Variants in ARHGEF10L observed in about 807,000 individuals in gnomAD.
The protein encoded by ARHGEF10L is rho guanine nucleotide exchange factor 10-like protein.
ARHGEF10L carries 69 observed loss-of-function variants against 141.2 expected under a neutral mutation model. The observed-to-expected ratio is 0.49, with a 90% CI of 0.40 to 0.60. The LOEUF is 0.60. Among genes scored for constraint, ARHGEF10L ranks in the 20% least tolerant of loss-of-function variants. ARHGEF10L has a pLI of 0.00. For synonymous variants in ARHGEF10L, 711 were observed against 718.5 expected, an observed-to-expected ratio of 0.99 and a Z score of 0.17; for missense variants, 1,482 against 1,734.3, an observed-to-expected ratio of 0.85 and a Z score of 2.58.
In ARHGEF10L at chr1:17,623,924, A is replaced by G. The variant is rs529894903; in HGVS notation, c.1201-463A>G. On this transcript the variant is annotated intron_variant, in intron 12 of 28. Coordinates refer to ENST00000361221, the MANE Select transcript of ARHGEF10L (RefSeq NM_018125.4). This position sits in a 1 kb window ranked among gnomAD's most constrained non-coding sequence, Gnocchi z 4.7. Reference sequence around the variant, plus strand: ...TCTGGAGAGAGAGTTGATTGACTCCAGGCCGACCATCCCTCCCTTGGTAAC... The same window carrying G: ...TCTGGAGAGAGAGTTGATTGACTCCGGGCCGACCATCCCTCCCTTGGTAAC... 2.6e-5 allele frequency among the ~76,000 whole-genome samples: 4 copies of G among 152,330 alleles called. No individual in the cohort carries two copies. The highest frequency in any genetic ancestry group is 7.2e-5 in the African/African-American group (3 of 41,578).
In ARHGEF10L at chr1:17,630,662, G is replaced by A. The variant is rs548262308; in HGVS notation, c.1585-1659G>A. Among the ~76,000 whole-genome samples the A allele has an allele frequency of 5.9e-5, 9 of 152,330 alleles. No individual in the cohort carries two copies. In the South Asian group the frequency reaches 8.3e-4, roughly 14 times the overall value. On this transcript the variant is annotated intron_variant, in intron 15 of 28. Coordinates refer to ENST00000361221, the MANE Select transcript of ARHGEF10L (RefSeq NM_018125.4). ...CAATCAACAGTGGGTGGGTCTCAGC[G>A]AGTCACTTTACCCCTGGAATCTCAG...
chr1:17,679,620 A>G (rs982486326), intron 26 of ARHGEF10L, among the ~76,000 whole-genome samples: 3 of 152,186 alleles, frequency 2.0e-5, no homozygotes, highest in African/African-American at 7.2e-5. Flanking sequence ...TAAAGTGTTG[A>G]TAAGAATGAG....
At chr1:17,617,737 C>T (rs1434832464) in intron 9 of ARHGEF10L, among the ~76,000 whole-genome samples, 3 of 152,126 alleles carry the variant, frequency 2.0e-5, no homozygotes, top group South Asian at 2.1e-4. Context: ...TTTCCTCATC[C>T]GTACAGTGGG....
chr1:17,645,305 C>T (rs910545871), intron 21 of ARHGEF10L, among the ~76,000 whole-genome samples: 21 of 152,024 alleles, frequency 1.4e-4, no homozygotes, highest in African/African-American at 4.8e-4. Flanking sequence ...TGGGGAGCAA[C>T]GACTCCATTT....
At chr1:17,631,360 A>G (rs2060680848) in intron 15 of ARHGEF10L, among the ~76,000 whole-genome samples, 1 of 152,156 alleles carries the variant, frequency 6.6e-6, no homozygotes, top group African/African-American at 2.4e-5. Flanking sequence ...GGGTCTTGAC[A>G]TCCAGCCTGA....
chr1:17,677,042 G>C (rs138215834), intron 26 of ARHGEF10L, among the ~76,000 whole-genome samples: 84 of 152,066 alleles, frequency 5.5e-4, no homozygotes, highest in Non-Finnish European at 1.0e-3. Context: ...CTCAGGGCCC[G>C]GCAGGCATGG....
At position 17,622,981 on chromosome 1, in the gene ARHGEF10L, C is replaced by A. The variant is rs200324335; in HGVS notation, c.1021-15C>A. On this transcript the variant is annotated splice_polypyrimidine_tract_variant and intron_variant, in intron 11 of 28. Coordinates refer to ENST00000361221, the MANE Select transcript of ARHGEF10L (RefSeq NM_018125.4). ...TGCGGCCTGGCCTGCGGCCTCACCC[C>A]GCCCTCCCCGGCAGGACTACCGCAA... 2 of 1,606,840 alleles carry A rather than the reference C, an allele frequency of 1.2e-6. No individual in the cohort carries two copies. The highest frequency in any genetic ancestry group is 1.7e-6 in the Non-Finnish European group (2 of 1,177,798).
chr1:17,566,994 C>T (rs951430046), intron 1 of ARHGEF10L, among the ~76,000 whole-genome samples: 3 of 152,144 alleles, frequency 2.0e-5, no homozygotes, highest in Admixed American at 1.3e-4. Flanking sequence ...TGACAAAGCA[C>T]GTGTGGAAGA....
chr1:17,546,930 A>C (rs1196123945), intron 1 of ARHGEF10L, among the ~76,000 whole-genome samples: 2 of 152,178 alleles, frequency 1.3e-5, no homozygotes, highest in African/African-American at 4.8e-5. Flanking sequence ...GGTGGGGTGC[A>C]TCATTATCTC....
At chr1:17,547,045 T>A (rs1374443375) in intron 1 of ARHGEF10L, among the ~76,000 whole-genome samples, 1 of 152,236 alleles carries the variant, frequency 6.6e-6, no homozygotes, top group East Asian at 1.9e-4. Flanking sequence ...TGTCTTTCCT[T>A]GAGCAGCGCC....
At chr1:17,662,126 G>A (rs1404262630) in intron 25 of ARHGEF10L, among the ~76,000 whole-genome samples, 1 of 152,170 alleles carries the variant, frequency 6.6e-6, no homozygotes, top group African/African-American at 2.4e-5. Context: ...GTAGCTGAGT[G>A]AATTGGGGTA....
At chr1:17,648,510 T>C in intron 21 of ARHGEF10L, 44 bp from the exon 22 acceptor site, 1 of 1,606,870 alleles carries the variant, frequency 6.2e-7, no homozygotes, top group Non-Finnish European at 8.5e-7. Flanking sequence ...CAGTTGGTCC[T>C]TGGACTCTGA....
At chr1:17,541,978 C>T (rs774219711) in intron 1 of ARHGEF10L, among the ~76,000 whole-genome samples, 3 of 150,332 alleles carry the variant, frequency 2.0e-5, no homozygotes, top group African/African-American at 4.9e-5. Flanking sequence ...AAAACAAAAA[C>T]GAAAACAGAA....
At position 17,607,458 on chromosome 1, in the gene ARHGEF10L, C is replaced by A. The variant is rs2081280274; in HGVS notation, c.434-344C>A. Among the ~76,000 whole-genome samples the A allele has an allele frequency of 6.6e-6, 1 of 152,100 alleles. No homozygotes were observed. The highest frequency in any genetic ancestry group is 1.5e-5 in the Non-Finnish European group (1 of 68,022). On this transcript the variant is annotated intron_variant, in intron 6 of 28. Transcript: ENST00000361221. This position sits in a 1 kb window ranked among gnomAD's most constrained non-coding sequence, Gnocchi z 4.5. ...CCACTGCACTCCAGCCTGGGCGAGA[C>A]AATGAGACCCTGTCTCTAAAACAAA...
rs373733306 is a variant in ARHGEF10L, at chr1:17,697,039, C to T, written c.3499C>T (p.Arg1167Cys). The change falls in exon 29 of 29, where the codon CGC becomes TGC. Residue 1167 changes from arginine to cysteine, a missense_variant. By Grantham distance (180) the Arg-to-Cys change is radical (BLOSUM62 -3). Transcript: ENST00000361221. This position sits in a 1 kb window ranked among gnomAD's most constrained non-coding sequence, Gnocchi z 4.8. ...TAGCCACGTGGGCCGAGAGCTGACC[C>T]GCAAGAAGGGCATCCTCTTGCAGTA... ...PDSHVGRELTRKKGILLQYRL... is the reference protein window; with the variant it reads ...PDSHVGRELTCKKGILLQYRL... 5.6e-6 allele frequency: 9 copies of T among 1,604,348 alleles called. No individual in the cohort carries two copies. Among genetic ancestry groups the T allele is most frequent in the South Asian group, 1.1e-5 (1 of 90,032 alleles).
chr1:17,560,439 A>G (rs920860391), intron 1 of ARHGEF10L, among the ~76,000 whole-genome samples: 14 of 152,200 alleles, frequency 9.2e-5, no homozygotes, highest in African/African-American at 3.4e-4. Context: ...CTGGGCCTCA[A>G]ATGCCCCTTT....
intron 27 of ARHGEF10L, among the ~76,000 whole-genome samples, chr1:17,690,449 C>T (rs1028410350): frequency 4.6e-5 from 7 of 152,370 alleles, no homozygotes; most frequent in Non-Finnish European, 8.8e-5. Flanking sequence ...GACATTTTGC[C>T]GTCATCGTCT....
At position 17,654,639 on chromosome 1, in the gene ARHGEF10L, G is replaced by C; in HGVS notation, c.2398G>C (p.Gly800Arg). 1 of 1,614,090 alleles carries C rather than the reference G, an allele frequency of 6.2e-7. No homozygotes were observed. Among genetic ancestry groups the C allele is most frequent in the South Asian group, 1.1e-5 (1 of 91,080 alleles). The change falls in exon 23 of 29, where the codon GGG becomes CGG. Residue 800 changes from glycine (G) to arginine (R), a missense_variant. Transcript: ENST00000361221. This position sits in a 1 kb window ranked among gnomAD's most constrained non-coding sequence, Gnocchi z 4.3. ...TGTACCGTCTCTGTCTCTGCAGCTT[G>C]GGGCCCTGGTCCACAGTCCTGTCAA... ...FSSRALSLQL[G>R]ALVHSPVNCP... is the part of the protein sequence containing the mutation.
chr1:17,581,332 AG>A (rs374530051), intron 2 of ARHGEF10L, among the ~76,000 whole-genome samples: 78 of 147,460 alleles, frequency 5.3e-4, no homozygotes, highest in African/African-American at 1.8e-3. Context: ...AAAAAAAAAA[AG>A]AAAAGAGAAA....
Sources: allele counts gnomAD v4.1 joint callset (sites outside exome capture counted in the v4.1 genomes callset), GRCh38; gene constraint gnomAD v4.1.1; non-coding constraint Gnocchi (gnomAD v3.1); transcripts MANE v1.5; gene names NCBI Gene and HGNC (gene_info 2026-07-23, HGNC 2026-07-21).